SDC3: variants seen among roughly 807,000 people sequenced by gnomAD.
SDC3 encodes syndecan 3.
SDC3 carries 13 observed loss-of-function variants against 24.4 expected under a neutral mutation model. The ratio of observed to expected loss-of-function variants is 0.53; its 90% confidence interval spans 0.35 to 0.85. The LOEUF (loss-of-function observed/expected upper bound fraction) is 0.85, where lower values mean the gene tolerates loss of function less well. SDC3 is among the 40% of genes least tolerant of loss of function. The pLI, the probability that SDC3 is intolerant of heterozygous loss-of-function variation, is 0.01. For missense variants in SDC3, 571 were observed against 584.5 expected, an observed-to-expected ratio of 0.98 and a Z score of 0.24; for synonymous variants, 295 against 260.9, an observed-to-expected ratio of 1.13 and a Z score of -1.26.
intron 1 of SDC3, among the ~76,000 whole-genome samples, chr1:30,894,182 G>A (rs1231397513): frequency 1.3e-5 from 2 of 149,876 alleles, no homozygotes; most frequent in East Asian, 4.0e-4. Flanking sequence ...TGGGTGTGGG[G>A]GTAAGAGTGC....
intron 1 of SDC3, chr1:30,880,804 G>T (rs935857265): frequency 4.6e-5 from 7 of 152,014 alleles, no homozygotes; most frequent in African/African-American, 1.7e-4. Context: ...GCCTGAGGAG[G>T]AGGGTGACAA....
chr1:30,895,229 T>A (rs748980219), intron 1 of SDC3, among the ~76,000 whole-genome samples: 4 of 152,116 alleles, frequency 2.6e-5, no homozygotes, highest in Non-Finnish European at 5.9e-5. Flanking sequence ...CCATCACACA[T>A]GTTGCAGGTA....
chr1:30,908,182 GA>G (rs1638566396), intron 1 of SDC3, among the ~76,000 whole-genome samples: 2 of 151,856 alleles, frequency 1.3e-5, no homozygotes, highest in African/African-American at 4.8e-5. Flanking sequence ...AAAGGAAGGA[GA>G]GATGCGCCCC....
intron 1 of SDC3, among the ~76,000 whole-genome samples, chr1:30,902,943 T>C (rs981703248): frequency 6.6e-6 from 1 of 152,206 alleles, no homozygotes; most frequent in Admixed American, 6.5e-5. Context: ...TATTCCCTCA[T>C]TCATTCATTC....
rs978368629 is a variant in SDC3, at chr1:30,908,524, G to T, written c.63C>A (p.Ala21=). Residue 21 remains alanine, a synonymous_variant, in exon 1 of 5, where the codon GCC becomes GCA. Coordinates refer to ENST00000339394, the MANE Select transcript of SDC3 (RefSeq NM_014654.4). ...AAHGAGAGAG[A]AAGPGARGLL... is the part of the protein sequence containing the mutation. ...GCCCGCGGGCCCCGGGCCCGGCCGCGGCCCCGGCCCCGGCGCCGGCCCCGT... is the reference window on the plus strand; with the variant it reads ...GCCCGCGGGCCCCGGGCCCGGCCGCTGCCCCGGCCCCGGCGCCGGCCCCGT... 2 of 965,028 alleles carry T rather than the reference G, an allele frequency of 2.1e-6. No homozygotes were observed. Among genetic ancestry groups the T allele is most frequent in the South Asian group, 4.6e-5 (1 of 21,762 alleles). The allele number at this position is 965,028 out of a possible 1,614,324, so 59.8% of individuals were successfully genotyped here.
chr1:30,884,380 C>A (rs1019855004), intron 1 of SDC3, among the ~76,000 whole-genome samples: 1 of 152,118 alleles, frequency 6.6e-6, no homozygotes, highest in Non-Finnish European at 1.5e-5. Flanking sequence ...ACCCCCTACT[C>A]CCATCTACAA....
At chr1:30,889,773 G>A (rs901216760) in intron 1 of SDC3, among the ~76,000 whole-genome samples, 6 of 152,152 alleles carry the variant, frequency 3.9e-5, no homozygotes, top group South Asian at 2.1e-4. Flanking sequence ...CAGCACAGCC[G>A]CTTTAGGAAA....
intron 1 of SDC3, among the ~76,000 whole-genome samples, chr1:30,890,126 C>T (rs1639884670): frequency 6.6e-6 from 1 of 152,198 alleles, no homozygotes; most frequent in Admixed American, 6.5e-5. Context: ...GCCTGGGCAA[C>T]ATGGTAAAAC....
rs757416660 is a variant in SDC3 at position 30,876,931 on chromosome 1, G to GC, written c.490dup (p.Ala164GlyfsTer106). ...CCCTGTGCTTGTGGCAGCAGTGGTA[G>GC]CCATGGTAGTGGAGACGGTGGTGGC... On this transcript the variant is annotated frameshift_variant, in exon 3 of 5. Transcript: ENST00000339394. LOFTEE classifies it high-confidence loss of function. The GC allele has an allele frequency of 6.2e-7, 1 of 1,613,872 alleles. No individual in the cohort carries two copies. The highest frequency in any genetic ancestry group is 1.1e-5 in the South Asian group (1 of 91,088).
chr1:30,895,709 C>T (rs1235547501), intron 1 of SDC3, among the ~76,000 whole-genome samples: 1 of 152,150 alleles, frequency 6.6e-6, no homozygotes, highest in Non-Finnish European at 1.5e-5. Context: ...CCCCCTCAGC[C>T]CTCAAGACCC....
At chr1:30,901,099 G>A (rs1221027200) in intron 1 of SDC3, among the ~76,000 whole-genome samples, 3 of 152,166 alleles carry the variant, frequency 2.0e-5, no homozygotes, top group African/African-American at 4.8e-5. Context: ...GCTCCTGGCT[G>A]TGTGTGCTTT....
At chr1:30,895,281 ATGGC>A (rs1183039976) in intron 1 of SDC3, among the ~76,000 whole-genome samples, 2 of 152,190 alleles carry the variant, frequency 1.3e-5, no homozygotes. Flanking sequence ...AAACAGAAAC[ATGGC>A]CTTAGCTCCA....
At chr1:30,893,973 CCA>C (rs960699186) in intron 1 of SDC3, among the ~76,000 whole-genome samples, 7 of 151,984 alleles carry the variant, frequency 4.6e-5, no homozygotes, top group African/African-American at 7.3e-5. Context: ...CTGAGGCCCT[CCA>C]CACACACACC....
chr1:30,881,029 AC>A (rs1570001079), intron 1 of SDC3, among the ~76,000 whole-genome samples: 33 of 130,244 alleles, frequency 2.5e-4, no homozygotes, highest in African/African-American at 9.7e-4. Context: ...GCACGCATGC[AC>A]ACACACACAC....
rs2491132 is a variant in SDC3 at position 30,876,800 on chromosome 1, C to T, written c.622G>A (p.Val208Ile). The T allele has an allele frequency of 0.19, 307,495 of 1,601,094 alleles. 33,054 individuals are homozygous for T. The highest frequency in any genetic ancestry group is 0.22 in the Non-Finnish European group (261,925 of 1,172,344). The stretch of plus-strand genomic sequence containing the variant: ...AGTGGGAGAGGCAGAAGCCTCCGTA[C>T]GCCAGTGGTCCTTATAACAGCAGTG... Reference protein sequence around the residue: ...ATTAVIRTTGVRRLLPLPLTT... With the variant: ...ATTAVIRTTGIRRLLPLPLTT... The change falls in exon 3 of 5, where the codon GTA becomes ATA. Residue 208 changes from valine to isoleucine, a missense_variant. Val to Ile is a conservative substitution (Grantham distance 29). Coordinates refer to ENST00000339394, the MANE Select transcript of SDC3 (RefSeq NM_014654.4).
At chr1:30,880,228 C>T (rs1321100595) in intron 1 of SDC3, among the ~76,000 whole-genome samples, 1 of 152,028 alleles carries the variant, frequency 6.6e-6, no homozygotes, top group African/African-American at 2.4e-5. Flanking sequence ...CCAGGAGCTG[C>T]AGCTCCCCAC....
intron 2 of SDC3, chr1:30,877,768 C>G (rs935539133): frequency 6.5e-6 from 1 of 154,918 alleles, no homozygotes; most frequent in South Asian, 2.1e-4. Flanking sequence ...CTCCTGGGCT[C>G]GGAACCAGGC....
intron 1 of SDC3, among the ~76,000 whole-genome samples, 185 bp downstream of exon 1, chr1:30,908,264 G>A (rs994364555): frequency 6.7e-5 from 10 of 149,922 alleles, no homozygotes; most frequent in African/African-American, 2.2e-4. Context: ...CGGAGGGGGG[G>A]GAGCAGGGTG....
chr1:30,877,171 G>A lies in SDC3; in HGVS notation c.257-6C>T. 5.0e-6 allele frequency: 8 copies of A among 1,613,772 alleles called. No individual in the cohort carries two copies. The highest frequency in any genetic ancestry group is 6.8e-6 in the Non-Finnish European group (8 of 1,179,956). On this transcript the variant is annotated splice_polypyrimidine_tract_variant and splice_region_variant and intron_variant, in intron 2 of 4. Coordinates refer to ENST00000339394, the MANE Select transcript of SDC3 (RefSeq NM_014654.4). ...GCCCGACTCCTGCTCGAAGTCTGAGGGGGTGGGGGAGAGGGAGAGAGCTAG... is the reference window on the plus strand; with the variant it reads ...GCCCGACTCCTGCTCGAAGTCTGAGAGGGTGGGGGAGAGGGAGAGAGCTAG...
Sources: allele counts gnomAD v4.1 joint callset (sites outside exome capture counted in the v4.1 genomes callset), GRCh38; gene constraint gnomAD v4.1.1; transcripts MANE v1.5; gene names NCBI Gene and HGNC (gene_info 2026-07-23, HGNC 2026-07-21).